The following BDH1 variants were observed in gnomAD, a reference collection of about 807,000 sequenced individuals.
BDH1 encodes the protein D-beta-hydroxybutyrate dehydrogenase, mitochondrial.
In BDH1, 30 loss-of-function variants were observed where a neutral mutation model predicts 33.1. The observed-to-expected ratio is 0.91, with a 90% CI of 0.68 to 1.23. The LOEUF (loss-of-function observed/expected upper bound fraction) is 1.23, where lower values mean the gene tolerates loss of function less well. BDH1 is among the 50% of genes most tolerant of loss of function. The pLI is 0.00. For synonymous variants in BDH1, 190 were observed against 183.6 expected, an observed-to-expected ratio of 1.03 and a Z score of -0.28; for missense variants, 443 against 464.4, an observed-to-expected ratio of 0.95 and a Z score of 0.42.
At chr3:197,573,234 G>A (rs753384681) in exon 1 of BDH1, 2 of 152,216 alleles carry the variant, frequency 1.3e-5, no homozygotes, top group Non-Finnish European at 2.9e-5. Context: ...CTCCAGGCAA[G>A]TGACCAGCCG....
At chr3:197,542,813 C>T (rs144658437) in intron 3 of BDH1, among the ~76,000 whole-genome samples, 81 of 152,160 alleles carry the variant, frequency 5.3e-4, no homozygotes, top group African/African-American at 1.9e-3. Context: ...TGAGCCACCG[C>T]GCCCCCACCG....
rs1038918952 is a variant in BDH1, at chr3:197,520,736, G to C, written c.409+1904C>G. Among the ~76,000 whole-genome samples the C allele has an allele frequency of 6.6e-6, 1 of 152,206 alleles. No individual in the cohort carries two copies. The highest frequency in any genetic ancestry group is 1.5e-5 in the Non-Finnish European group (1 of 68,046). ...TGAAGGAAAATATAGCAGCTGCCCA[G>C]GGAAGGTGGGAGGGAGGAGAATTTA... On this transcript the variant is annotated intron_variant, in intron 6 of 7. Coordinates refer to ENST00000392379, the MANE Select transcript of BDH1 (RefSeq NM_203314.3). The surrounding 1 kb of genome is among the most constrained non-coding windows in gnomAD (Gnocchi z 6.0).
Position 197,512,316 on chromosome 3 carries a change from G to A in BDH1, c.611C>T (p.Ala204Val). The change falls in exon 8 of 8, where the codon GCC (alanine) becomes GTC (valine). Residue 204 changes from alanine (A) to valine (V), a missense_variant. Physicochemically the swap from Ala to Val is moderately conservative, Grantham distance 64. Transcript: ENST00000392379. The stretch of plus-strand genomic sequence containing the variant: ...CTTGGTGATGCAGTACGGGGAGCGG[G>A]CCGGGTTGGCCATGCGGCCCAGCAT... ...SSMLGRMANP[A>V]RSPYCITKFG... 6.2e-7 allele frequency: 1 copy of A among 1,611,156 alleles called. No homozygotes were observed.
In BDH1 at chr3:197,523,815, G is replaced by A. The variant is rs1415807069; in HGVS notation, c.268-1034C>T. Among the ~76,000 whole-genome samples, 1 of 152,168 alleles carries A rather than the reference G, an allele frequency of 6.6e-6. No individual in the cohort carries two copies. Among genetic ancestry groups the A allele is most frequent in the African/African-American group, 2.4e-5 (1 of 41,430 alleles). On this transcript the variant is annotated intron_variant, in intron 5 of 7. Transcript: ENST00000392379. This position sits in a 1 kb window ranked among gnomAD's most constrained non-coding sequence, Gnocchi z 4.5. ...GACAGCTGAGGACATTCACAAGAGG[G>A]GGCCGATGGGGACGGGGCACTGTGG...
chr3:197,513,361 CA>C (rs1712300014), intron 7 of BDH1, among the ~76,000 whole-genome samples: 1 of 142,668 alleles, frequency 7.0e-6, no homozygotes, highest in African/African-American at 2.6e-5. Context: ...CCCGGGAGGG[CA>C]CTCAGCCCAT....
rs949847337 is a variant in BDH1 at position 197,516,968 on chromosome 3, C to T, written c.410-2552G>A. 2.0e-5 allele frequency among the ~76,000 whole-genome samples: 3 copies of T among 152,118 alleles called. No individual in the cohort carries two copies. The highest frequency in any genetic ancestry group is 4.8e-5 in the African/African-American group (2 of 41,396). ...AGGTTAAGCACCTTGGTCAATGTCA[C>T]CCAGCTAACAGGCAGGGAGGGTGGG... On this transcript the variant is annotated intron_variant, in intron 6 of 7. Coordinates refer to ENST00000392379, the MANE Select transcript of BDH1 (RefSeq NM_203314.3). This position sits in a 1 kb window ranked among gnomAD's most constrained non-coding sequence, Gnocchi z 4.2.
chr3:197,522,830 G>A lies in BDH1; in HGVS notation c.268-49C>T, dbSNP rs762381845. ...TCTACCTCCTTCCTTCCCACCCTGA[G>A]GCAGACCCTGAGGACTCCTGTCAAG... On this transcript the variant is annotated intron_variant, in intron 5 of 7. Coordinates refer to ENST00000392379, the MANE Select transcript of BDH1 (RefSeq NM_203314.3). The surrounding 1 kb of genome is among the most constrained non-coding windows in gnomAD (Gnocchi z 4.8). The A allele has an allele frequency of 2.7e-5, 43 of 1,598,746 alleles. 1 individual carries two copies. In the South Asian group the frequency reaches 4.2e-4, roughly 15 times the overall value.
intron 3 of BDH1, chr3:197,538,255 G>A (rs1715315643): frequency 1.1e-5 from 5 of 456,580 alleles, no homozygotes; most frequent in Admixed American, 2.3e-5. Flanking sequence ...AAGGAGGTAG[G>A]GGTGAATGAG....
At chr3:197,573,111 A>G (rs1379111596) in intron 1 of BDH1, 2 of 152,076 alleles carry the variant, frequency 1.3e-5, no homozygotes, top group South Asian at 2.1e-4. Context: ...GGCCTTACCC[A>G]TGGCTCAAAT....
At chr3:197,568,158 C>T (rs774022724) in intron 1 of BDH1, among the ~76,000 whole-genome samples, 2 of 152,204 alleles carry the variant, frequency 1.3e-5, no homozygotes, top group Admixed American at 1.3e-4. Flanking sequence ...CCTCCAAGTC[C>T]TCACAGAGCC....
chr3:197,544,811 C>T (rs1299255418), intron 3 of BDH1, among the ~76,000 whole-genome samples: 1 of 152,214 alleles, frequency 6.6e-6, no homozygotes, highest in Non-Finnish European at 1.5e-5. Context: ...CTTTGGGAGG[C>T]CGAGGCAGGC....
At chr3:197,565,281 G>C (rs1717398317) in intron 1 of BDH1, among the ~76,000 whole-genome samples, 2 of 152,180 alleles carry the variant, frequency 1.3e-5, no homozygotes, top group African/African-American at 4.8e-5. Flanking sequence ...TTTTCTCAAA[G>C]AGAAGGTTTT....
chr3:197,541,809 A>G (rs1356566893), intron 3 of BDH1, among the ~76,000 whole-genome samples: 1 of 152,214 alleles, frequency 6.6e-6, no homozygotes, highest in Non-Finnish European at 1.5e-5. Context: ...AGGAAAAGAA[A>G]AACAAAGACC....
upstream of BDH1, among the ~76,000 whole-genome samples, chr3:197,556,525 G>A (rs1447073537): frequency 2.6e-5 from 4 of 152,176 alleles, no homozygotes; most frequent in Non-Finnish European, 4.4e-5. Context: ...AAAGTTAGCA[G>A]GGCGCGGTGG....
At chr3:197,564,570 C>T (rs936312729) in intron 1 of BDH1, among the ~76,000 whole-genome samples, 5 of 151,936 alleles carry the variant, frequency 3.3e-5, no homozygotes, top group African/African-American at 1.2e-4. Flanking sequence ...GTAGAAAATG[C>T]CAATCAAAAT....
rs548761006 is a variant in BDH1, at chr3:197,545,956, G to A, written c.83+405C>T. ...GTTCAAGACCAGCCTGGCCAACCTG[G>A]TGAAACCCCGTCTCTACTAAAAATA... On this transcript the variant is annotated intron_variant, in intron 3 of 7. Transcript: ENST00000392379. Among the ~76,000 whole-genome samples, 5 of 152,248 alleles carry A rather than the reference G, an allele frequency of 3.3e-5. No individual in the cohort carries two copies. In the East Asian group the frequency reaches 9.6e-4, roughly 29 times the overall value.
chr3:197,548,335 T>G (rs756520509), intron 2 of BDH1, among the ~76,000 whole-genome samples: 11 of 152,084 alleles, frequency 7.2e-5, no homozygotes, highest in Non-Finnish European at 1.6e-4. Context: ...CATCTCTACC[T>G]CCTCCCTCCA....
intron 3 of BDH1, among the ~76,000 whole-genome samples, chr3:197,543,849 C>A (rs1026749417): frequency 4.6e-5 from 7 of 152,072 alleles, no homozygotes; most frequent in African/African-American, 1.4e-4. Flanking sequence ...TGGCACAGTG[C>A]CCCTGGGGAG....
chr3:197,530,991 T>C (rs951195786), intron 5 of BDH1, among the ~76,000 whole-genome samples: 3 of 152,096 alleles, frequency 2.0e-5, no homozygotes, highest in African/African-American at 7.2e-5. Context: ...TTAAATTACA[T>C]CAACAAGAAT....
Sources: gnomAD v4.1 joint callset for allele counts (sites outside exome capture counted in the v4.1 genomes callset) on GRCh38, gnomAD v4.1.1 for gene constraint, Gnocchi (gnomAD v3.1) non-coding constraint, MANE v1.5 for transcripts, NCBI Gene and HGNC (gene_info 2026-07-23, HGNC 2026-07-21) for gene names.